RGPD4: variants seen among roughly 807,000 people sequenced by gnomAD.
RGPD4 encodes ranBP2-like and GRIP domain-containing protein 4.
Under a neutral mutation model 141.1 loss-of-function variants are expected in RGPD4, and 84 were observed. That is an observed-to-expected ratio of 0.60 (90% confidence interval 0.50 to 0.71). The LOEUF is 0.71. Ranked by LOEUF, RGPD4 falls within the 30% of genes least tolerant of loss-of-function variation. The probability of loss-of-function intolerance (pLI) is 0.00; values close to 1 mark genes in which losing one functional copy is unlikely to be tolerated. For synonymous variants in RGPD4, 298 were observed against 566.8 expected, an observed-to-expected ratio of 0.53 and a Z score of 6.74; for missense variants, 918 against 1,622.4, an observed-to-expected ratio of 0.57 and a Z score of 7.46.
chr2:107,853,446 T>C (rs534354545), intron 7 of RGPD4, among the ~76,000 whole-genome samples: 31 of 144,620 alleles, frequency 2.1e-4, no homozygotes, highest in African/African-American at 6.9e-4. Context: ...TGCTTTTTTT[T>C]TTCCATAGGT....
chr2:107,870,544 C>T, intron 19 of RGPD4, among the ~76,000 whole-genome samples, 161 bp from the exon 20 acceptor site: 1 of 147,890 alleles, frequency 6.8e-6, no homozygotes, highest in Non-Finnish European at 1.5e-5. Context: ...AGAACAGTGC[C>T]CAGCTGGCAC....
chr2:107,882,261 C>T lies in RGPD4; in HGVS notation c.5065-411C>T, dbSNP rs1050907305. Among the ~76,000 whole-genome samples, 5 of 149,910 alleles carry T rather than the reference C, an allele frequency of 3.3e-5. No individual in the cohort carries two copies. The East Asian group carries it at 9.7e-4, about 29-fold the overall frequency. On this transcript the variant is annotated intron_variant, in intron 21 of 22. Coordinates refer to ENST00000408999, the MANE Select transcript of RGPD4 (RefSeq NM_182588.3). Reference sequence around the variant, plus strand: ...CATTTCCACCTCTTCATCTGTTTCTCGTGAGAATTTCTTGATGTGTCTCAT... The same window carrying T: ...CATTTCCACCTCTTCATCTGTTTCTTGTGAGAATTTCTTGATGTGTCTCAT...
intron 22 of RGPD4, among the ~76,000 whole-genome samples, chr2:107,885,130 GTAGT>G (rs1558823941): frequency 6.6e-6 from 1 of 151,816 alleles, no homozygotes; most frequent in African/African-American, 2.4e-5. Context: ...TATATTTTTA[GTAGT>G]TATTCAGATT....
chr2:107,845,459 G>A (rs1268902027), intron 6 of RGPD4, among the ~76,000 whole-genome samples: 1 of 150,496 alleles, frequency 6.6e-6, no homozygotes, highest in Non-Finnish European at 1.5e-5. Flanking sequence ...AGATGACCAT[G>A]GGAATGGAGT....
intron 22 of RGPD4, among the ~76,000 whole-genome samples, 171 bp from the exon 23 acceptor site, chr2:107,890,548 CAA>C (rs1210623696): frequency 0.11 from 1,794 of 16,034 alleles, 4 homozygotes; most frequent in South Asian, 0.12. Flanking sequence ...GACCCTGTCT[CAA>C]AAAAAAAAAA....
intron 20 of RGPD4, among the ~76,000 whole-genome samples, chr2:107,874,167 T>C (rs1390449956): frequency 2.6e-5 from 4 of 151,398 alleles, no homozygotes; most frequent in African/African-American, 9.8e-5. Context: ...ATGTTTATGT[T>C]TAGCCACTAA....
At chr2:107,829,404 TA>T in intron 1 of RGPD4, among the ~76,000 whole-genome samples, 1 of 32,540 alleles carries the variant, frequency 3.1e-5, no homozygotes, top group Admixed American at 2.2e-4. Context: ...GCGTCATGGC[TA>T]CCGACGGGCG....
chr2:107,827,659 C>T (rs1218604250), intron 1 of RGPD4, among the ~76,000 whole-genome samples: 3 of 44,912 alleles, frequency 6.7e-5, no homozygotes, highest in Admixed American at 3.5e-4. Context: ...CTCCCTGGCA[C>T]GCTCTGTTGA....
rs914400050 is a variant in RGPD4, at chr2:107,882,768, A to C, written c.5161A>C (p.Ile1721Leu). 6.2e-7 allele frequency: 1 copy of C among 1,611,402 alleles called. No homozygotes were observed. Among genetic ancestry groups the C allele is most frequent in the Non-Finnish European group, 8.5e-7 (1 of 1,179,854 alleles). The change falls in exon 22 of 23, where the codon ATT becomes CTT. Residue 1721 changes from isoleucine (I) to leucine (L), a missense_variant. By Grantham distance (5) the Ile-to-Leu change is conservative (BLOSUM62 2). Transcript: ENST00000408999. ...CTTGAAGAACGTCTTGCTGCAGTTCATTTTCTTGAAGCCAGGTAGTGAAAG... is the reference window on the plus strand; with the variant it reads ...CTTGAAGAACGTCTTGCTGCAGTTCCTTTTCTTGAAGCCAGGTAGTGAAAG... ...EHLKNVLLQF[I>L]FLKPGSERER...
At chr2:107,882,162 C>G (rs559103083) in intron 21 of RGPD4, among the ~76,000 whole-genome samples, 1 of 151,952 alleles carries the variant, frequency 6.6e-6, no homozygotes, top group African/African-American at 2.4e-5. Context: ...GCTTCTGAGA[C>G]AAGAACTCCA....
chr2:107,871,215 G>C lies in RGPD4; in HGVS notation c.3211G>C (p.Asp1071His). 6.2e-7 allele frequency: 1 copy of C among 1,609,542 alleles called. No homozygotes were observed. The highest frequency in any genetic ancestry group is 1.1e-5 in the South Asian group (1 of 90,874). Residue 1071 changes from aspartate to histidine, a missense_variant, in exon 20 of 23, where the codon GAT (aspartate) becomes CAT (histidine). Physicochemically the swap from Asp to His is moderately conservative, Grantham distance 81. Transcript: ENST00000408999. ...ACAGGGGGTAAAACTATTTAGATTT[G>C]ATGCTGAGGTAAGGCAGTGGAAAGA... The part of the protein sequence containing the change: ...YSQGVKLFRF[D>H]AEVRQWKERG...
chr2:107,881,418 A>C (rs2104516111), intron 21 of RGPD4, among the ~76,000 whole-genome samples: 1 of 151,902 alleles, frequency 6.6e-6, no homozygotes, highest in Non-Finnish European at 1.5e-5. Context: ...CCCAGGTTCA[A>C]GCGATTCCCC....
intron 8 of RGPD4, 86 bp downstream of exon 8, chr2:107,854,729 C>T (rs1682246683): frequency 6.4e-7 from 1 of 1,562,940 alleles, no homozygotes; most frequent in Admixed American, 1.9e-5. Context: ...TCCATCTGTC[C>T]AGGAGATAAT....
At chr2:107,846,090 C>A (rs1420026470) in intron 6 of RGPD4, among the ~76,000 whole-genome samples, 1 of 125,302 alleles carries the variant, frequency 8.0e-6, no homozygotes. Flanking sequence ...CCACACCCAG[C>A]TAATTTTTTG....
At position 107,876,335 on chromosome 2, in the gene RGPD4, C is replaced by T. The variant is rs1290394982; in HGVS notation, c.4924+3407C>T. ...CGGTCTCCTGACCTCGTGATCCACC[C>T]GCCTCGGCCTCCCAAAGTGCTGGGA... On this transcript the variant is annotated intron_variant, in intron 20 of 22. Transcript: ENST00000408999. Among the ~76,000 whole-genome samples the T allele has an allele frequency of 6.7e-3, 1,011 of 149,858 alleles. 27 individuals carry two copies. The highest frequency in any genetic ancestry group is 0.023 in the African/African-American group (951 of 40,602).
intron 11 of RGPD4, 43 bp downstream of exon 11, chr2:107,859,597 G>A (rs1478033710): frequency 1.2e-6 from 2 of 1,611,422 alleles, no homozygotes; most frequent in South Asian, 1.1e-5. Flanking sequence ...TAGTGCGTAG[G>A]TTTTACCAGG....
intron 11 of RGPD4, 67 bp downstream of exon 11, chr2:107,859,621 T>A: frequency 1.2e-6 from 2 of 1,611,526 alleles, no homozygotes. Flanking sequence ...TTAATCCTCA[T>A]GTGAAGATTT....
At chr2:107,828,591 C>G (rs866185325) in intron 1 of RGPD4, among the ~76,000 whole-genome samples, 7,106 of 43,224 alleles carry the variant, frequency 0.16, 2 homozygotes, top group South Asian at 0.21. Context: ...GCAGCGGCCT[C>G]GACCTGGCCG....
Position 107,847,642 on chromosome 2 carries a change from A to C in RGPD4, c.783-699A>C, listed in dbSNP as rs1426119619. On this transcript the variant is annotated intron_variant, in intron 6 of 22. Transcript: ENST00000408999. ...TCGAGACCAGCCTGGCCAATATAGTAAAACCCTGTCTCTACTAAAAATATA... is the reference window on the plus strand; with the variant it reads ...TCGAGACCAGCCTGGCCAATATAGTCAAACCCTGTCTCTACTAAAAATATA... 8.4e-5 allele frequency among the ~76,000 whole-genome samples: 5 copies of C among 59,570 alleles called. 1 individual carries two copies. Among genetic ancestry groups the C allele is most frequent in the Admixed American group, 6.4e-4 (5 of 7,860 alleles). The allele number at this position is 59,570 out of a possible 152,430, so 39.1% of individuals were successfully genotyped here.
Sources: gnomAD v4.1 joint callset for allele counts (sites outside exome capture counted in the v4.1 genomes callset) on GRCh38, gnomAD v4.1.1 for gene constraint, MANE v1.5 for transcripts, NCBI Gene and HGNC (gene_info 2026-07-23, HGNC 2026-07-21) for gene names.